The following SSH1 variants were observed in gnomAD, a reference collection of about 807,000 sequenced individuals.
SSH1 encodes the protein protein phosphatase Slingshot homolog 1.
SSH1 carries 43 observed loss-of-function variants against 79.7 expected under a neutral mutation model. The observed-to-expected ratio is 0.54, with a 90% CI of 0.42 to 0.70. The LOEUF is 0.70. Ranked by LOEUF, SSH1 falls within the 30% of genes least tolerant of loss-of-function variation. The probability of loss-of-function intolerance (pLI) is 0.00; values close to 1 mark genes in which losing one functional copy is unlikely to be tolerated. For missense variants in SSH1, 1,206 were observed against 1,358.8 expected (o/e 0.89, Z 1.77); for synonymous variants, 599 against 538.3 (o/e 1.11, Z -1.56).
chr12:108,805,908 G>A (rs1422324912), intron 9 of SSH1, among the ~76,000 whole-genome samples: 1 of 152,126 alleles, frequency 6.6e-6, no homozygotes, highest in Non-Finnish European at 1.5e-5. Context: ...ATCCTGTGGA[G>A]AAATAAGTCT....
At chr12:108,835,590 T>C (rs1361209512) in intron 2 of SSH1, among the ~76,000 whole-genome samples, 1 of 152,148 alleles carries the variant, frequency 6.6e-6, no homozygotes, top group African/African-American at 2.4e-5. Context: ...GCTGAACTGA[T>C]ACCTCTGGAA....
At chr12:108,792,008 A>C in intron 14 of SSH1, 4 of 1,401,202 alleles carry the variant, frequency 2.9e-6, no homozygotes, top group Non-Finnish European at 3.7e-6. Flanking sequence ...AATAAGGTAC[A>C]TGGGGTGAAG....
At chr12:108,853,699 G>T (rs559136782) in intron 1 of SSH1, among the ~76,000 whole-genome samples, 2 of 152,218 alleles carry the variant, frequency 1.3e-5, no homozygotes, top group East Asian at 1.9e-4. Flanking sequence ...CGAGGTGGGC[G>T]GATCACCTGA....
At chr12:108,799,642 A>C (rs1168628639) in intron 12 of SSH1, among the ~76,000 whole-genome samples, 2 of 152,224 alleles carry the variant, frequency 1.3e-5, no homozygotes, top group Admixed American at 6.5e-5. Flanking sequence ...TGAATGAGTT[A>C]CTGCAGAAAA....
intron 2 of SSH1, chr12:108,827,162 A>G: frequency 8.6e-7 from 1 of 1,160,588 alleles, no homozygotes; most frequent in Admixed American, 2.9e-5. Context: ...ACCTCAATCA[A>G]TGCTCCTCAA....
At chr12:108,815,501 T>G (rs532849907) in intron 5 of SSH1, among the ~76,000 whole-genome samples, 1 of 152,288 alleles carries the variant, frequency 6.6e-6, no homozygotes, top group South Asian at 2.1e-4. Context: ...TCAGAAAGAT[T>G]CAGAAAAGCT....
At chr12:108,816,859 T>C (rs2037912550) in intron 5 of SSH1, among the ~76,000 whole-genome samples, 179 bp downstream of exon 5, 1 of 152,170 alleles carries the variant, frequency 6.6e-6, no homozygotes, top group South Asian at 2.1e-4. Flanking sequence ...GCTGGCACGG[T>C]GCCTGGCACA....
chr12:108,801,998 C>CAGGGAAGCGGGGT (rs1437201890), intron 11 of SSH1, among the ~76,000 whole-genome samples: 1 of 152,074 alleles, frequency 6.6e-6, no homozygotes, highest in Non-Finnish European at 1.5e-5. Flanking sequence ...CTGTGCGGGG[C>CAGGGAAGCGGGGT]AGGGAAGCGG....
intron 3 of SSH1, among the ~76,000 whole-genome samples, chr12:108,821,583 A>T (rs773790429): frequency 5.3e-5 from 8 of 152,154 alleles, no homozygotes; most frequent in Non-Finnish European, 1.0e-4. Flanking sequence ...TTTGATGCCC[A>T]TTGTAAAGAC....
rs577272754 is a variant in SSH1, at chr12:108,849,526, C to T, written c.110+3112G>A. On this transcript the variant is annotated intron_variant, in intron 2 of 14. Coordinates refer to ENST00000326495, the MANE Select transcript of SSH1 (RefSeq NM_018984.4). Reference sequence around the variant, plus strand: ...GAGCTATGATCACACCATTGCACTCCGGCCTGGACAACAAAGACCCTGTCT... The same window carrying T: ...GAGCTATGATCACACCATTGCACTCTGGCCTGGACAACAAAGACCCTGTCT... Among the ~76,000 whole-genome samples, 43 of 152,136 alleles carry T rather than the reference C, an allele frequency of 2.8e-4. No individual in the cohort carries two copies. In the East Asian group the frequency reaches 4.8e-3, roughly 17 times the overall value.
chr12:108,793,197 G>A (rs530566003), intron 13 of SSH1, among the ~76,000 whole-genome samples: 6 of 152,190 alleles, frequency 3.9e-5, no homozygotes, highest in Admixed American at 2.0e-4. Flanking sequence ...GAATAACAAC[G>A]CTCTCCTACC....
In SSH1 at chr12:108,802,245, G is replaced by A. The variant is rs947094603; in HGVS notation, c.1001+77C>T. 2.9e-6 allele frequency: 4 copies of A among 1,394,794 alleles called. No individual in the cohort carries two copies. The Admixed American group carries it at 5.2e-5, about 18-fold the overall frequency. The allele number at this position is 1,394,794 out of a possible 1,614,324, so 86.4% of individuals were successfully genotyped here. A position where few individuals can be genotyped will look rare whatever the true frequency, so the allele number is the denominator to read the frequency against. Reference sequence around the variant, plus strand: ...GCAATTACAGGCAGGCAGCCCCAAGGTCTCCCCCTCCATGGCAGAGTGGAG... The same window carrying A: ...GCAATTACAGGCAGGCAGCCCCAAGATCTCCCCCTCCATGGCAGAGTGGAG... On this transcript the variant is annotated intron_variant, in intron 11 of 14. Transcript: ENST00000326495.
intron 5 of SSH1, among the ~76,000 whole-genome samples, chr12:108,813,011 T>C (rs996626049): frequency 1.3e-5 from 2 of 152,058 alleles, no homozygotes; most frequent in Admixed American, 1.3e-4. Flanking sequence ...CACAGGCACA[T>C]GCCACTATGC....
chr12:108,857,583 T>A lies in SSH1; in HGVS notation c.-87A>T. The A allele has an allele frequency of 1.3e-6, 1 of 799,468 alleles. No individual in the cohort carries two copies. Among genetic ancestry groups the A allele is most frequent in the Non-Finnish European group, 1.5e-6 (1 of 664,124 alleles). 49.5% of individuals were successfully genotyped at this position (799,468 alleles called of 1,614,324 possible). ...CGCCCGGGCCGGGCCCGGGGCCTCC[T>A]GGAGCCGCGCGCGGGCGGCCGGGCC... On this transcript the variant is annotated 5_prime_UTR_variant, in exon 1 of 15. Transcript: ENST00000326495. This position sits in a 1 kb window ranked among gnomAD's most constrained non-coding sequence, Gnocchi z 4.7.
rs1283885135 is a variant in SSH1 at position 108,852,380 on chromosome 12, T to C, written c.110+258A>G. 6.6e-6 allele frequency among the ~76,000 whole-genome samples: 1 copy of C among 151,718 alleles called. No homozygotes were observed. The highest frequency in any genetic ancestry group is 1.9e-4 in the East Asian group (1 of 5,144). On this transcript the variant is annotated intron_variant, in intron 2 of 14. Transcript: ENST00000326495. Reference sequence around the variant, plus strand: ...AGTAGCTGGGACTACAAGCACACACTACCACGCCCGGTTAATTTTTTCTGT... The same window carrying C: ...AGTAGCTGGGACTACAAGCACACACCACCACGCCCGGTTAATTTTTTCTGT...
intron 6 of SSH1, among the ~76,000 whole-genome samples, chr12:108,810,749 G>A (rs1015813917): frequency 6.6e-6 from 1 of 152,210 alleles, no homozygotes; most frequent in Admixed American, 6.5e-5. Context: ...GAACGCGTGC[G>A]GACGCTAGAC....
chr12:108,817,317 T>G, intron 4 of SSH1, 158 bp from the exon 5 acceptor site: 18 of 1,035,236 alleles, frequency 1.7e-5, no homozygotes, highest in East Asian at 3.0e-5. Context: ...TTCAGGCCTG[T>G]AATCCCAGCA....
At chr12:108,841,139 C>CA (rs2038767136) in intron 2 of SSH1, among the ~76,000 whole-genome samples, 1 of 152,214 alleles carries the variant, frequency 6.6e-6, no homozygotes, top group Non-Finnish European at 1.5e-5. Context: ...TTAGGTTGCA[C>CA]AGCAGATGAC....
At chr12:108,826,120 C>T (rs906654661) in intron 2 of SSH1, 8 of 455,110 alleles carry the variant, frequency 1.8e-5, no homozygotes, top group African/African-American at 1.4e-4. Context: ...CCCAAGCACG[C>T]TGGAAACAGC....
Sources: gnomAD v4.1 joint callset for allele counts (sites outside exome capture counted in the v4.1 genomes callset) on GRCh38, gnomAD v4.1.1 for gene constraint, Gnocchi (gnomAD v3.1) non-coding constraint, MANE v1.5 for transcripts, NCBI Gene and HGNC (gene_info 2026-07-23, HGNC 2026-07-21) for gene names.